Variants in PRR33 observed in about 807,000 individuals in gnomAD.
PRR33 encodes proline rich 33, also known as proline-rich protein 33.
PRR33 carries 1 observed loss-of-function variant against 0.5 expected under a neutral mutation model. The ratio of observed to expected loss-of-function variants is 2.18; its 90% CI spans 0.77 to 10.34. The LOEUF (loss-of-function observed/expected upper bound fraction) is 10.34, where lower values mean the gene tolerates loss of function less well. Among genes scored for constraint, PRR33 ranks in the 30% most tolerant of loss-of-function variants. The pLI is 0.13. For synonymous variants in PRR33, 226 were observed against 110.0 expected, an observed-to-expected ratio of 2.06 and a Z score of -6.60; for missense variants, 552 against 251.8, an observed-to-expected ratio of 2.19 and a Z score of -8.07.
exon 1 of PRR33, among the ~76,000 whole-genome samples, chr11:1,888,261 C>T (rs1454784303): frequency 6.6e-6 from 1 of 152,196 alleles, no homozygotes; most frequent in East Asian, 1.9e-4. Context: ...GTTGGCCACC[C>T]CCACCAGAGC....
At chr11:1,915,139 C>CTCTG in the PRR33 span, among the ~76,000 whole-genome samples, 2 of 128,486 alleles carry the variant, frequency 1.6e-5, 1 homozygote, top group African/African-American at 6.1e-5. Flanking sequence ...GATGATGTTT[C>CTCTG]TGTGTGTGTG....
At chr11:1,889,625 T>C in exon 1 of PRR33, 1 of 610,622 alleles carries the variant, frequency 1.6e-6, no homozygotes, top group South Asian at 1.9e-5. Context: ...GGCCTGATGG[T>C]GGGGTAGGGG....
At chr11:1,900,398 G>A in the PRR33 span, among the ~76,000 whole-genome samples, 1 of 152,170 alleles carries the variant, frequency 6.6e-6, no homozygotes, top group Non-Finnish European at 1.5e-5. Context: ...GCCCAGGTTA[G>A]CAATTTTATA....
chr11:1,909,758 C>T, the PRR33 span, among the ~76,000 whole-genome samples: 2 of 151,916 alleles, frequency 1.3e-5, no homozygotes, highest in African/African-American at 4.8e-5. Context: ...CCAGCCTGGG[C>T]AACACAGTGA....
chr11:1,909,091 G>C, the PRR33 span, among the ~76,000 whole-genome samples: 1 of 152,214 alleles, frequency 6.6e-6, no homozygotes, highest in Admixed American at 6.5e-5. Flanking sequence ...CTTAGCTTAA[G>C]AAAGACAACA....
exon 1 of PRR33, chr11:1,889,026 C>A: frequency 3.5e-6 from 2 of 574,438 alleles, no homozygotes; most frequent in Non-Finnish European, 6.2e-6. Context: ...TGCCCTGCAC[C>A]CCATGCCCCT....
the PRR33 span, among the ~76,000 whole-genome samples, chr11:1,906,596 G>C: frequency 6.6e-6 from 1 of 152,170 alleles, no homozygotes; most frequent in Non-Finnish European, 1.5e-5. Context: ...ATCCTTTCAA[G>C]TATTACTTTT....
chr11:1,894,228 T>A (rs1165210742), upstream of PRR33, among the ~76,000 whole-genome samples: 3 of 105,594 alleles, frequency 2.8e-5, no homozygotes, highest in African/African-American at 8.7e-5. Flanking sequence ...TGTGGGAGTG[T>A]GTGTGTGTGT....
At chr11:1,916,895 C>T in the PRR33 span, among the ~76,000 whole-genome samples, 1 of 152,222 alleles carries the variant, frequency 6.6e-6, no homozygotes, top group Non-Finnish European at 1.5e-5. Context: ...AAAAGGCCTG[C>T]AGCCTAAGAG....
At chr11:1,915,831 T>G in the PRR33 span, among the ~76,000 whole-genome samples, 1 of 147,410 alleles carries the variant, frequency 6.8e-6, no homozygotes, top group South Asian at 2.2e-4. Flanking sequence ...AATGGGTAGA[T>G]GGATAGATGA....
At chr11:1,897,490 T>C in the PRR33 span, among the ~76,000 whole-genome samples, 2 of 152,246 alleles carry the variant, frequency 1.3e-5, no homozygotes, top group Non-Finnish European at 2.9e-5. This position sits in a 1 kb window ranked among gnomAD's most constrained non-coding sequence, Gnocchi z 4.0. Flanking sequence ...TCTGCTTCCG[T>C]AAAGCTTCGG....
the PRR33 span, among the ~76,000 whole-genome samples, chr11:1,910,223 C>T: frequency 6.6e-6 from 1 of 151,730 alleles, no homozygotes; most frequent in Admixed American, 6.6e-5. Context: ...GCACCCTGCA[C>T]GCTGGCCAAG....
the PRR33 span, among the ~76,000 whole-genome samples, chr11:1,915,049 T>A: frequency 4.7e-5 from 7 of 149,890 alleles, no homozygotes; most frequent in Non-Finnish European, 1.5e-5. Flanking sequence ...TGTTTGTGAG[T>A]GTGTGTGTGT....
At chr11:1,902,979 G>A in the PRR33 span, 1 of 152,138 alleles carries the variant, frequency 6.6e-6, no homozygotes, top group Non-Finnish European at 1.5e-5. Flanking sequence ...CAGTGAGGAC[G>A]ACCAGAGGTC....
chr11:1,890,107 G>A (rs1848930968), exon 1 of PRR33: 1 of 717,028 alleles, frequency 1.4e-6, no homozygotes, highest in Non-Finnish European at 2.6e-6. Context: ...GGCCGGGTAG[G>A]TTCTGGGGCC....
the PRR33 span, among the ~76,000 whole-genome samples, chr11:1,910,100 C>T: frequency 2.6e-5 from 4 of 152,342 alleles, no homozygotes; most frequent in African/African-American, 9.6e-5. Flanking sequence ...TCTATGAATA[C>T]ACGACGGTGT....
upstream of PRR33, among the ~76,000 whole-genome samples, chr11:1,896,007 GA>G (rs1352145930): frequency 6.6e-6 from 1 of 152,060 alleles, no homozygotes; most frequent in Non-Finnish European, 1.5e-5. Flanking sequence ...GACCCTGCCT[GA>G]AAAAAAGTCA....
chr11:1,889,229 G>A (rs1166935759), exon 1 of PRR33: 2 of 674,794 alleles, frequency 3.0e-6, no homozygotes, highest in East Asian at 2.7e-5. Context: ...CTGTGGGAGG[G>A]GGCCGGGTGG....
exon 1 of PRR33, chr11:1,889,435 C>T (rs1848894474): frequency 1.5e-6 from 1 of 657,226 alleles, no homozygotes. Context: ...AGGGCGGGCA[C>T]CTCCTGCTCT....
Sources: gnomAD v4.1 joint callset for allele counts (sites outside exome capture counted in the v4.1 genomes callset) on GRCh38, gnomAD v4.1.1 for gene constraint, Gnocchi (gnomAD v3.1) non-coding constraint, MANE v1.5 for transcripts, NCBI Gene and HGNC (gene_info 2026-07-23, HGNC 2026-07-21) for gene names.